Variants in NLRP3 observed in about 807,000 individuals in gnomAD.
NLRP3 encodes NACHT, LRR and PYD domains-containing protein 3.
In NLRP3, 48 loss-of-function variants were observed where a neutral mutation model predicts 91.3. That is an observed-to-expected ratio of 0.53 (90% CI 0.42 to 0.67). NLRP3 has a LOEUF of 0.67. NLRP3 is among the 30% of genes least tolerant of loss of function. The pLI, the probability that NLRP3 is intolerant of heterozygous loss-of-function variation, is 0.00. For synonymous variants in NLRP3, 561 were observed against 507.9 expected, an observed-to-expected ratio of 1.10 and a Z score of -1.41; for missense variants, 982 against 1,276.9, an observed-to-expected ratio of 0.77 and a Z score of 3.52.
At chr1:247,442,549 C>G (rs925845438) in intron 7 of NLRP3, among the ~76,000 whole-genome samples, 9 of 151,958 alleles carry the variant, frequency 5.9e-5, no homozygotes, top group African/African-American at 2.2e-4. Flanking sequence ...CTCTAAAAGG[C>G]CTTTTGCTGT....
At chr1:247,444,471 A>G (rs547469152) in intron 8 of NLRP3, among the ~76,000 whole-genome samples, 180 bp from the exon 9 acceptor site, 1 of 152,282 alleles carries the variant, frequency 6.6e-6, no homozygotes, top group East Asian at 1.9e-4. Context: ...AATGCAGTGG[A>G]TTTGAAAAAG....
chr1:247,423,188 G>C, intron 2 of NLRP3, 42 bp from the exon 3 acceptor site: 1 of 1,613,230 alleles, frequency 6.2e-7, no homozygotes, highest in Non-Finnish European at 8.5e-7. Context: ...CATCCTCTGT[G>C]ATAATAGTTC....
intron 7 of NLRP3, 52 bp from the exon 8 acceptor site, chr1:247,443,920 A>G: frequency 6.3e-7 from 1 of 1,585,722 alleles, no homozygotes. Context: ...GCAGCTGCAC[A>G]ATGTTGGGGA....
At chr1:247,435,182 G>A (rs57798344) in intron 6 of NLRP3, among the ~76,000 whole-genome samples, 28,049 of 152,028 alleles carry the variant, frequency 0.18, 2,674 homozygotes, top group Non-Finnish European at 0.21. Context: ...CCTGGGAGGC[G>A]GGGGTTGCAG....
intron 1 of NLRP3, among the ~76,000 whole-genome samples, chr1:247,416,980 C>T (rs1265232028): frequency 1.3e-5 from 2 of 152,264 alleles, no homozygotes; most frequent in South Asian, 2.1e-4. Context: ...GGGAACAATT[C>T]CAAACAAAGC....
chr1:247,437,351 G>A (rs1018167447), intron 7 of NLRP3, among the ~76,000 whole-genome samples: 3 of 152,182 alleles, frequency 2.0e-5, no homozygotes, highest in South Asian at 4.1e-4. Flanking sequence ...GGCAGGAAAG[G>A]TCTTCCCAGA....
At chr1:247,421,067 C>T (rs757445373) in intron 2 of NLRP3, among the ~76,000 whole-genome samples, 18 of 152,188 alleles carry the variant, frequency 1.2e-4, no homozygotes, top group Non-Finnish European at 2.5e-4. Context: ...CTTTCACCAC[C>T]ACTTTGGGAA....
chr1:247,439,043 TCC>T (rs1664016941), intron 7 of NLRP3, among the ~76,000 whole-genome samples: 6 of 141,792 alleles, frequency 4.2e-5, no homozygotes, highest in Non-Finnish European at 6.1e-5. Context: ...CATCCATCCA[TCC>T]ATCCATCCAT....
Position 247,419,160 on chromosome 1 carries a change from A to ATTTTT in NLRP3, c.277+84_277+85insTTTTT, listed in dbSNP as rs1365819137. 7.0e-5 allele frequency: 25 copies of ATTTTT among 355,160 alleles called. No homozygotes were observed. In the East Asian group the frequency reaches 1.4e-3, roughly 20 times the overall value. The allele number at this position is 355,160 out of a possible 1,614,324, so 22.0% of individuals were successfully genotyped here. On this transcript the variant is annotated intron_variant, in intron 2 of 9. Transcript: ENST00000336119. ...TTTCCATCTTTATATATATATATATATATATTTTTTTTTGAGACGGAGTTG... is the reference window on the plus strand; with the variant it reads ...TTTCCATCTTTATATATATATATATATTTTTTATATTTTTTTTTGAGACGGAGTTG...
chr1:247,432,483 T>C (rs771349472), intron 5 of NLRP3, among the ~76,000 whole-genome samples: 1 of 152,240 alleles, frequency 6.6e-6, no homozygotes, highest in Admixed American at 6.5e-5. Flanking sequence ...ACACTCTTCA[T>C]CTTTGCTCTT....
chr1:247,431,682 C>G (rs1226905804), intron 5 of NLRP3, among the ~76,000 whole-genome samples: 1 of 152,314 alleles, frequency 6.6e-6, no homozygotes, highest in Admixed American at 6.5e-5. Context: ...CCTGTGTCTG[C>G]CTTTTTCCCT....
In NLRP3 at chr1:247,433,974, A is replaced by G. The variant is rs77795397; in HGVS notation, c.2322-129A>G. On this transcript the variant is annotated intron_variant, in intron 5 of 9. Transcript: ENST00000336119. ...GCTTTCTGTATTCCGGAGCTCTCTG[A>G]TCAGATGTGTTCTGATGCTTTCTCT... is the stretch of plus-strand genomic sequence containing the variant. 96,418 of 511,866 alleles carry G rather than the reference A, an allele frequency of 0.19. 19,325 individuals carry two copies. Among genetic ancestry groups the G allele is most frequent in the East Asian group, 0.48 (11,443 of 23,814 alleles). The allele number at this position is 511,866 out of a possible 1,614,324, so 31.7% of individuals were successfully genotyped here. A position where few individuals can be genotyped will look rare whatever the true frequency, so the allele number is the denominator to read the frequency against.
Position 247,434,269 on chromosome 1 carries a change from C to G in NLRP3, c.2488C>G (p.Leu830Val), listed in dbSNP as rs114158404. Residue 830 changes from leucine (L) to valine (V), a missense_variant, in exon 6 of 10, where the codon CTC becomes GTC. Leu to Val is a conservative substitution (Grantham distance 32, BLOSUM62 1). Coordinates refer to ENST00000336119, the MANE Select transcript of NLRP3 (RefSeq NM_001243133.2). ...LKHLLCNLKKLWLVSCCLTSA... is the reference protein window; with the variant it reads ...LKHLLCNLKKVWLVSCCLTSA... The stretch of plus-strand genomic sequence containing the variant: ...GCACCTGTTGTGCAATCTGAAGAAG[C>G]TCTGGTGAGTCGAGCCCGTTCCCCT... 6.2e-7 allele frequency: 1 copy of G among 1,614,060 alleles called. No homozygotes were observed. Among genetic ancestry groups the G allele is most frequent in the African/African-American group, 1.3e-5 (1 of 74,928 alleles).
intron 7 of NLRP3, among the ~76,000 whole-genome samples, chr1:247,437,999 T>C (rs1402024032): frequency 6.6e-6 from 1 of 152,234 alleles, no homozygotes; most frequent in African/African-American, 2.4e-5. Flanking sequence ...ATTACAAATG[T>C]GCCTGATGCA....
At position 247,424,377 on chromosome 1, in the gene NLRP3, GACGA is replaced by G. The variant is rs752700181; in HGVS notation, c.929_932del (p.Asp310GlyfsTer3). 1 of 1,611,736 alleles carries G rather than the reference GACGA, an allele frequency of 6.2e-7. No homozygotes were observed. Among genetic ancestry groups the G allele is most frequent in the Non-Finnish European group, 8.5e-7 (1 of 1,178,858 alleles). ...CTTCGATGAGCTGCAAGGTGCCTTT[GACGA>G]GCACATAGGACCGCTCTGCACTGAC... is the stretch of plus-strand genomic sequence containing the variant. On this transcript the variant is annotated frameshift_variant, in exon 4 of 10. Transcript: ENST00000336119. LOFTEE classifies it high-confidence loss of function. This position sits in a 1 kb window ranked among gnomAD's most constrained non-coding sequence, Gnocchi z 8.1.
In NLRP3 at chr1:247,418,203, T is replaced by A. The variant is rs1350715318; in HGVS notation, c.-598T>A. On this transcript the variant is annotated 5_prime_UTR_variant, in exon 2 of 10. It adds an upstream start codon to the 5' untranslated region. Transcript: ENST00000336119. ...CTGTAATACAATCCTGTTTATGGAT[T>A]TGTTTGCATATTTTTCCCTCCATAG... 1 of 160,916 alleles carries A rather than the reference T, an allele frequency of 6.2e-6. No individual in the cohort carries two copies. Among genetic ancestry groups the A allele is most frequent in the Non-Finnish European group, 1.4e-5 (1 of 72,808 alleles). 10.0% of individuals were successfully genotyped at this position (160,916 alleles called of 1,614,324 possible).
chr1:247,424,603 C>T lies in NLRP3; in HGVS notation c.1154C>T (p.Ser385Phe), dbSNP rs866491423. The T allele has an allele frequency of 6.2e-7, 1 of 1,614,250 alleles. No homozygotes were observed. The change falls in exon 4 of 10, where the codon TCT (serine) becomes TTT (phenylalanine). Residue 385 changes from serine to phenylalanine, a missense_variant. By Grantham distance (155) the Ser-to-Phe change is radical. Transcript: ENST00000336119. The surrounding 1 kb of genome is among the most constrained non-coding windows in gnomAD (Gnocchi z 8.1). ...KRKEYFFKYF[S>F]DEAQARAAFS... ...AAAGAGTACTTCTTCAAGTACTTCT[C>T]TGATGAGGCCCAAGCCAGGGCAGCC...
intron 5 of NLRP3, among the ~76,000 whole-genome samples, chr1:247,432,343 G>A (rs936359532): frequency 3.5e-5 from 5 of 143,724 alleles, no homozygotes; most frequent in Admixed American, 2.3e-4. Flanking sequence ...AAGTGAGAAC[G>A]TGTGGTATTT....
chr1:247,423,927 G>A lies in NLRP3; in HGVS notation c.478G>A (p.Val160Met). 5 of 1,614,066 alleles carry A rather than the reference G, an allele frequency of 3.1e-6. No individual in the cohort carries two copies. The highest frequency in any genetic ancestry group is 4.2e-6 in the Non-Finnish European group (5 of 1,180,008). ...EDRNARLGES[V>M]SLNKRYTRLR... is the part of the protein sequence containing the mutation. ...CAGGAATGCCCGTCTGGGTGAGAGT[G>A]TGAGCCTCAACAAACGCTACACACG... The change falls in exon 4 of 10, where the codon GTG becomes ATG. Residue 160 changes from valine (V) to methionine (M), a missense_variant. Coordinates refer to ENST00000336119, the MANE Select transcript of NLRP3 (RefSeq NM_001243133.2).
Sources: allele counts gnomAD v4.1 joint callset (sites outside exome capture counted in the v4.1 genomes callset), GRCh38; gene constraint gnomAD v4.1.1; non-coding constraint Gnocchi (gnomAD v3.1); transcripts MANE v1.5; gene names NCBI Gene and HGNC (gene_info 2026-07-23, HGNC 2026-07-21).